Variants in ARHGAP24 observed in about 807,000 individuals in gnomAD.
The protein encoded by ARHGAP24 is Rho GTPase activating protein 24.
Under a neutral mutation model 76.4 loss-of-function variants are expected in ARHGAP24, and 50 were observed. The ratio of observed to expected loss-of-function variants is 0.65; its 90% CI spans 0.52 to 0.83. The LOEUF is 0.83. Ranked by LOEUF, ARHGAP24 falls within the 40% of genes least tolerant of loss-of-function variation. The pLI is 0.00. For missense variants in ARHGAP24, 930 were observed against 914.2 expected (o/e 1.02, Z -0.22); for synonymous variants, 345 against 323.3 (o/e 1.07, Z -0.72).
At chr4:85,611,897 T>A (rs1390642115) in intron 2 of ARHGAP24, among the ~76,000 whole-genome samples, 2 of 152,252 alleles carry the variant, frequency 1.3e-5, no homozygotes, top group African/African-American at 2.4e-5. Flanking sequence ...TATTTAATTA[T>A]AATCCCCTAC....
intron 4 of ARHGAP24, among the ~76,000 whole-genome samples, chr4:85,941,012 A>C (rs904748902): frequency 6.6e-6 from 1 of 152,138 alleles, no homozygotes; most frequent in Non-Finnish European, 1.5e-5. Flanking sequence ...ATAATTCCCC[A>C]CACATTCTGA....
At chr4:85,707,770 G>A (rs932533790) in intron 2 of ARHGAP24, among the ~76,000 whole-genome samples, 19 of 152,182 alleles carry the variant, frequency 1.2e-4, no homozygotes, top group Admixed American at 4.6e-4. Context: ...TGATGTCTCC[G>A]GCACAAGAAT....
chr4:85,971,149 T>C (rs546297047), intron 5 of ARHGAP24, among the ~76,000 whole-genome samples: 2 of 152,320 alleles, frequency 1.3e-5, no homozygotes, highest in East Asian at 3.9e-4. Context: ...ATGCTTAGAA[T>C]CAATTATTTT....
chr4:85,568,475 G>A (rs930789648), intron 1 of ARHGAP24, among the ~76,000 whole-genome samples: 1 of 152,132 alleles, frequency 6.6e-6, no homozygotes, highest in African/African-American at 2.4e-5. Flanking sequence ...ATTATTTAGG[G>A]TGGTCTAGCT....
intron 4 of ARHGAP24, among the ~76,000 whole-genome samples, chr4:85,930,014 G>A (rs1038513631): frequency 6.6e-6 from 1 of 152,156 alleles, no homozygotes; most frequent in African/African-American, 2.4e-5. Context: ...GTACCGTAGC[G>A]TGGCATTCTC....
chr4:85,610,334 C>T (rs1720337964), intron 2 of ARHGAP24, among the ~76,000 whole-genome samples: 1 of 151,156 alleles, frequency 6.6e-6, no homozygotes, highest in Admixed American at 6.6e-5. Flanking sequence ...GTCCCAGCTA[C>T]TTGGGAGGCT....
At chr4:85,936,256 A>G (rs1736627866) in intron 4 of ARHGAP24, among the ~76,000 whole-genome samples, 1 of 152,212 alleles carries the variant, frequency 6.6e-6, no homozygotes, top group Non-Finnish European at 1.5e-5. Flanking sequence ...CCCACGAACT[A>G]TCAATGAGTT....
chr4:85,480,745 A>T (rs138756062), intron 1 of ARHGAP24, among the ~76,000 whole-genome samples: 8 of 152,326 alleles, frequency 5.3e-5, no homozygotes, highest in African/African-American at 1.9e-4. Flanking sequence ...TAAAAAATGT[A>T]GGAAAAAAAT....
chr4:85,915,163 A>G (rs1251547029), intron 3 of ARHGAP24, among the ~76,000 whole-genome samples: 1 of 152,228 alleles, frequency 6.6e-6, no homozygotes, highest in Non-Finnish European at 1.5e-5. Context: ...TTAACTTCCC[A>G]GTGTAATCTG....
intron 1 of ARHGAP24, among the ~76,000 whole-genome samples, chr4:85,556,945 G>A (rs1464922765): frequency 6.6e-6 from 1 of 152,200 alleles, no homozygotes; most frequent in Non-Finnish European, 1.5e-5. Context: ...GTGAGCAGTA[G>A]CAGAGGTGGA....
rs1222078793 is a variant in ARHGAP24 at position 85,895,001 on chromosome 4, CA to C, written c.269-28627del. The stretch of plus-strand genomic sequence containing the variant: ...AAAAAAAAAAAAACAAAACAAAAAG[CA>C]AAAAAAAAAAAAAAAAAAAGAAAAG... On this transcript the variant is annotated intron_variant, in intron 3 of 9. Coordinates refer to ENST00000395184, the MANE Select transcript of ARHGAP24 (RefSeq NM_001025616.3). 5.6e-3 allele frequency among the ~76,000 whole-genome samples: 305 copies of C among 54,310 alleles called. 6 individuals carry two copies. Among genetic ancestry groups the C allele is most frequent in the East Asian group, 0.015 (11 of 728 alleles). 35.6% of individuals were successfully genotyped at this position (54,310 alleles called of 152,430 possible). A position where few individuals can be genotyped will look rare whatever the true frequency, so the allele number is the denominator to read the frequency against.
chr4:85,977,294 T>A (rs1452490522), intron 7 of ARHGAP24, among the ~76,000 whole-genome samples: 2 of 152,130 alleles, frequency 1.3e-5, no homozygotes, highest in African/African-American at 2.4e-5. Flanking sequence ...TCCATATTAG[T>A]ATTGTCCAAA....
At chr4:85,708,690 C>T (rs1724408654) in intron 2 of ARHGAP24, among the ~76,000 whole-genome samples, 1 of 152,166 alleles carries the variant, frequency 6.6e-6, no homozygotes, top group African/African-American at 2.4e-5. Context: ...AGAGGGCGCA[C>T]TCTGTTGGCA....
At chr4:85,495,093 T>G (rs1441469808) in intron 1 of ARHGAP24, among the ~76,000 whole-genome samples, 1 of 77,970 alleles carries the variant, frequency 1.3e-5, no homozygotes, top group African/African-American at 7.5e-5. Context: ...AGACTCCGTC[T>G]CAAAAAAAAA....
chr4:85,550,453 T>C (rs1560528824), intron 1 of ARHGAP24, among the ~76,000 whole-genome samples: 2 of 152,314 alleles, frequency 1.3e-5, no homozygotes, highest in East Asian at 1.9e-4. Flanking sequence ...TGTAGGCTTG[T>C]AGTATAATGT....
chr4:85,826,914 A>G (rs984426889), intron 3 of ARHGAP24, among the ~76,000 whole-genome samples: 1 of 152,258 alleles, frequency 6.6e-6, no homozygotes, highest in African/African-American at 2.4e-5. Context: ...ATTAAAAAAT[A>G]TATACAACTA....
chr4:85,514,359 C>A (rs13135057), intron 1 of ARHGAP24, among the ~76,000 whole-genome samples: 19,061 of 152,120 alleles, frequency 0.13, 1,815 homozygotes, highest in African/African-American at 0.27. Flanking sequence ...TCTGCCAAAA[C>A]TACTTTCACT....
At chr4:85,539,362 GAC>G (rs1395776850) in intron 1 of ARHGAP24, among the ~76,000 whole-genome samples, 1 of 152,064 alleles carries the variant, frequency 6.6e-6, no homozygotes, top group South Asian at 2.1e-4. Flanking sequence ...GTACTAAGCT[GAC>G]AAACCATTTT....
At chr4:85,668,164 A>G (rs560086206) in intron 2 of ARHGAP24, among the ~76,000 whole-genome samples, 1 of 152,358 alleles carries the variant, frequency 6.6e-6, no homozygotes, top group East Asian at 1.9e-4. Flanking sequence ...GTTCCTTATT[A>G]AACTACACTT....
Sources: gnomAD v4.1 joint callset for allele counts (sites outside exome capture counted in the v4.1 genomes callset) on GRCh38, gnomAD v4.1.1 for gene constraint, MANE v1.5 for transcripts, NCBI Gene and HGNC (gene_info 2026-07-23, HGNC 2026-07-21) for gene names.